The following ZNF536 variants were observed in gnomAD, a reference collection of about 807,000 sequenced individuals.
ZNF536 encodes zinc finger protein 536.
In ZNF536, 13 loss-of-function variants were observed where a neutral mutation model predicts 84.5. That is an observed-to-expected ratio of 0.15 (90% CI 0.10 to 0.24). The LOEUF is 0.24. Ranked by LOEUF, ZNF536 falls within the 10% of genes least tolerant of loss-of-function variation. The probability of loss-of-function intolerance (pLI) is 1.00; values close to 1 mark genes in which losing one functional copy is unlikely to be tolerated. For missense variants in ZNF536, 1,536 were observed against 1,747.5 expected, an observed-to-expected ratio of 0.88 and a Z score of 2.16; for synonymous variants, 811 against 742.5, an observed-to-expected ratio of 1.09 and a Z score of -1.50.
At chr19:30,491,512 C>T (rs540977140) in intron 2 of ZNF536, among the ~76,000 whole-genome samples, 1 of 152,314 alleles carries the variant, frequency 6.6e-6, no homozygotes, top group East Asian at 1.9e-4. Flanking sequence ...TTGTTGCGAT[C>T]TCCCAGAACA....
At chr19:30,252,510 G>T (rs944661517) in intron 1 of ZNF536, among the ~76,000 whole-genome samples, 1 of 152,198 alleles carries the variant, frequency 6.6e-6, no homozygotes. Flanking sequence ...CAGCATTCCT[G>T]TGATGCGAAT....
At chr19:30,540,360 G>T (rs1429417490) in intron 3 of ZNF536, among the ~76,000 whole-genome samples, 1 of 152,138 alleles carries the variant, frequency 6.6e-6, no homozygotes, top group Non-Finnish European at 1.5e-5. Context: ...GGGAGACCTG[G>T]ACATTATCTT....
intron 1 of ZNF536, among the ~76,000 whole-genome samples, chr19:30,692,477 C>T (rs2051452009): frequency 6.6e-6 from 1 of 152,126 alleles, no homozygotes; most frequent in Admixed American, 6.5e-5. Flanking sequence ...GCGAACACAC[C>T]AGGGAGATTG....
At chr19:30,699,440 C>T (rs1568683569) in intron 1 of ZNF536, among the ~76,000 whole-genome samples, 1 of 152,006 alleles carries the variant, frequency 6.6e-6, no homozygotes, top group Non-Finnish European at 1.5e-5. Context: ...GGGTAGCCTT[C>T]TAAATTAAAA....
intron 1 of ZNF536, among the ~76,000 whole-genome samples, chr19:30,268,866 A>T (rs570173759): frequency 6.6e-6 from 1 of 152,290 alleles, no homozygotes; most frequent in Middle Eastern, 3.4e-3. Context: ...CCAAGAACGG[A>T]TTCATGTGTC....
At chr19:30,633,465 A>G (rs113548995) in intron 1 of ZNF536, among the ~76,000 whole-genome samples, 2,055 of 152,284 alleles carry the variant, frequency 0.013, 48 homozygotes, top group African/African-American at 0.047. Flanking sequence ...AACAAACTCA[A>G]CTGTTAGCTA....
intron 2 of ZNF536, among the ~76,000 whole-genome samples, chr19:30,494,744 A>G (rs1400290803): frequency 6.6e-6 from 1 of 152,048 alleles, no homozygotes; most frequent in Non-Finnish European, 1.5e-5. Flanking sequence ...TCAGGAGTTC[A>G]AGAACAGCCT....
intron 1 of ZNF536, among the ~76,000 whole-genome samples, chr19:30,575,520 C>A (rs1179206471): frequency 1.3e-5 from 2 of 152,224 alleles, no homozygotes; most frequent in Non-Finnish European, 2.9e-5. Flanking sequence ...AGTCATCCAG[C>A]AAATATTTCC....
At chr19:30,310,103 A>G (rs1202570742) in intron 2 of ZNF536, among the ~76,000 whole-genome samples, 1 of 152,090 alleles carries the variant, frequency 6.6e-6, no homozygotes, top group Non-Finnish European at 1.5e-5. Flanking sequence ...TTTTAGTATA[A>G]CGTGTTTGCA....
At chr19:30,623,020 G>GT (rs66483120) in intron 1 of ZNF536, among the ~76,000 whole-genome samples, 22,494 of 129,280 alleles carry the variant, frequency 0.17, 2,111 homozygotes, top group African/African-American at 0.27. Context: ...AAAATCTTGT[G>GT]TTTTTTTTTT....
chr19:30,531,248 G>A (rs1026724672), intron 2 of ZNF536, among the ~76,000 whole-genome samples: 1 of 152,194 alleles, frequency 6.6e-6, no homozygotes, highest in Non-Finnish European at 1.5e-5. Flanking sequence ...AAAGATAAAA[G>A]GAAAACAGAT....
chr19:30,706,511 A>G (rs2052235808), intron 1 of ZNF536, among the ~76,000 whole-genome samples: 1 of 151,916 alleles, frequency 6.6e-6, no homozygotes, highest in Non-Finnish European at 1.5e-5. Flanking sequence ...GAAAGAAAAT[A>G]CAATAGACAG....
chr19:30,463,484 G>A (rs1266542827), intron 2 of ZNF536, among the ~76,000 whole-genome samples: 1 of 152,196 alleles, frequency 6.6e-6, no homozygotes, highest in Admixed American at 6.5e-5. Context: ...GGGAGCCTCT[G>A]TTCTGGAGCT....
At chr19:30,322,599 T>C (rs1231904982) in intron 2 of ZNF536, among the ~76,000 whole-genome samples, 2 of 152,220 alleles carry the variant, frequency 1.3e-5, no homozygotes, top group African/African-American at 4.8e-5. Context: ...CCAGTCTTCC[T>C]AAGGAACCAT....
At chr19:30,397,904 T>C (rs2049887279) in intron 1 of ZNF536, among the ~76,000 whole-genome samples, 1 of 152,170 alleles carries the variant, frequency 6.6e-6, no homozygotes, top group South Asian at 2.1e-4. Context: ...TTGGCAAATT[T>C]AAGAGCTCAC....
chr19:30,470,353 A>G (rs1427203273), intron 2 of ZNF536, among the ~76,000 whole-genome samples: 1 of 152,200 alleles, frequency 6.6e-6, no homozygotes, highest in Admixed American at 6.5e-5. Context: ...ATATCACAAC[A>G]CATGAAGCAA....
At position 30,526,609 on chromosome 19, in the gene ZNF536, A is replaced by G. The variant is rs376867465; in HGVS notation, c.2171-8238A>G. On this transcript the variant is annotated intron_variant, in intron 2 of 4. Transcript: ENST00000355537. ...CGTAGTGGCGGGCGCCTGTAGTCCCAGCTACTTGGGAGGCTGAGGCAGGAG... is the reference window on the plus strand; with the variant it reads ...CGTAGTGGCGGGCGCCTGTAGTCCCGGCTACTTGGGAGGCTGAGGCAGGAG... Among the ~76,000 whole-genome samples, 874 of 143,534 alleles carry G rather than the reference A, an allele frequency of 6.1e-3. 21 individuals are homozygous for G. The highest frequency in any genetic ancestry group is 0.02 in the African/African-American group (817 of 40,474). The allele number at this position is 143,534 out of a possible 152,430, so 94.2% of individuals were successfully genotyped here.
At chr19:30,667,474 C>T (rs115690722) in intron 1 of ZNF536, among the ~76,000 whole-genome samples, 162 of 152,150 alleles carry the variant, frequency 1.1e-3, no homozygotes, top group African/African-American at 3.8e-3. Context: ...TCCCCCATGC[C>T]GAAGCTGCCT....
At chr19:30,413,266 T>C (rs1410646022) in intron 1 of ZNF536, among the ~76,000 whole-genome samples, 3 of 152,166 alleles carry the variant, frequency 2.0e-5, no homozygotes, top group Non-Finnish European at 4.4e-5. Context: ...TCATCAGGTG[T>C]ATTTTTATTA....
Sources: allele counts gnomAD v4.1 joint callset (sites outside exome capture counted in the v4.1 genomes callset), GRCh38; gene constraint gnomAD v4.1.1; transcripts MANE v1.5; gene names NCBI Gene and HGNC (gene_info 2026-07-23, HGNC 2026-07-21).